Variants in CPLX1 observed in about 807,000 individuals in gnomAD.
The protein encoded by CPLX1 is complexin-1.
Under a neutral mutation model 15.6 loss-of-function variants are expected in CPLX1, and 6 were observed. The observed-to-expected ratio is 0.39, with a 90% CI of 0.21 to 0.76. The LOEUF (loss-of-function observed/expected upper bound fraction) is 0.76. CPLX1 is among the 30% of genes least tolerant of loss of function. CPLX1 has a pLI of 0.43. For missense variants in CPLX1, 242 were observed against 188.6 expected, an observed-to-expected ratio of 1.28 and a Z score of -1.66; for synonymous variants, 91 against 75.2, an observed-to-expected ratio of 1.21 and a Z score of -1.08.
chr4:805,062 G>C (rs999540990), intron 2 of CPLX1, among the ~76,000 whole-genome samples: 1 of 152,242 alleles, frequency 6.6e-6, no homozygotes, highest in African/African-American at 2.4e-5. Context: ...CGTGTGGCTG[G>C]AGACAAGGTG....
Position 822,820 on chromosome 4 carries a change from C to T in CPLX1, c.31+1672G>A, listed in dbSNP as rs1249697842. 6.6e-5 allele frequency among the ~76,000 whole-genome samples: 10 copies of T among 152,232 alleles called. No individual in the cohort carries two copies. In the East Asian group the frequency reaches 1.6e-3, roughly 24 times the overall value. On this transcript the variant is annotated intron_variant, in intron 2 of 3. Coordinates refer to ENST00000304062, the MANE Select transcript of CPLX1 (RefSeq NM_006651.4). ...GGCGCAGAGGCAGAAAACAAGGTCT[C>T]GACTGGAAGCCCCCCACCAGCTCCC...
Position 800,513 on chromosome 4 carries a change from G to C in CPLX1, c.32-7905C>G, listed in dbSNP as rs568557521. On this transcript the variant is annotated intron_variant, in intron 2 of 3. Transcript: ENST00000304062. ...ATATACACACACATATACACACACA[G>C]ACACATATATGTGTATATACATACA... 7.2e-4 allele frequency among the ~76,000 whole-genome samples: 101 copies of C among 140,512 alleles called. No individual in the cohort carries two copies. In the South Asian group the frequency reaches 8.4e-3, roughly 12 times the overall value. 92.2% of individuals were successfully genotyped at this position (140,512 alleles called of 152,430 possible). A position where few individuals can be genotyped will look rare whatever the true frequency, so the allele number is the denominator to read the frequency against.
At chr4:812,020 G>C (rs1746672970) in intron 2 of CPLX1, among the ~76,000 whole-genome samples, 1 of 152,094 alleles carries the variant, frequency 6.6e-6, no homozygotes, top group African/African-American at 2.4e-5. Flanking sequence ...AGCCACTCAA[G>C]TTTTCTTCTT....
intron 3 of CPLX1, among the ~76,000 whole-genome samples, chr4:790,989 C>G (rs1269842455): frequency 2.0e-5 from 3 of 151,836 alleles, no homozygotes; most frequent in Admixed American, 6.6e-5. Context: ...TCTGTCTTCT[C>G]TCTGTCTCTT....
At chr4:796,345 T>C (rs1458044323) in intron 2 of CPLX1, among the ~76,000 whole-genome samples, 1 of 152,180 alleles carries the variant, frequency 6.6e-6, no homozygotes, top group East Asian at 1.9e-4. Context: ...GAAGACTTCA[T>C]GTGGGCCTCA....
intron 3 of CPLX1, chr4:788,624 G>T (rs1345574682): frequency 1.0e-6 from 1 of 982,926 alleles, no homozygotes; most frequent in Non-Finnish European, 1.2e-6. Flanking sequence ...GAGCAGATTG[G>T]TTCTCGTCCT....
chr4:819,091 C>G (rs550419484), intron 2 of CPLX1, among the ~76,000 whole-genome samples: 1 of 152,268 alleles, frequency 6.6e-6, no homozygotes, highest in Non-Finnish European at 1.5e-5. Context: ...ACGCTCTGCG[C>G]TCCCCGTGCG....
intron 2 of CPLX1, among the ~76,000 whole-genome samples, chr4:798,697 A>G (rs1746392987): frequency 6.6e-6 from 1 of 152,230 alleles, no homozygotes; most frequent in Admixed American, 6.5e-5. Flanking sequence ...GTGCCCGGCC[A>G]GATAGTGCTT....
chr4:808,168 C>CT (rs1746592707), intron 2 of CPLX1, among the ~76,000 whole-genome samples: 1 of 152,068 alleles, frequency 6.6e-6, no homozygotes, highest in Non-Finnish European at 1.5e-5. Flanking sequence ...ACCTGGGAGG[C>CT]TGAGGCGAGA....
At chr4:788,299 G>C (rs934036954) in intron 3 of CPLX1, 1 of 985,176 alleles carries the variant, frequency 1.0e-6, no homozygotes, top group Admixed American at 6.1e-5. Context: ...GGGCAGTCTC[G>C]GCACCTCTCC....
intron 2 of CPLX1, among the ~76,000 whole-genome samples, chr4:801,305 G>A (rs1177564723): frequency 6.6e-6 from 1 of 151,882 alleles, no homozygotes; most frequent in African/African-American, 2.4e-5. Flanking sequence ...CTGGGTGACA[G>A]AGCGAGACTC....
At chr4:825,679 G>A (rs1305665981) in intron 1 of CPLX1, among the ~76,000 whole-genome samples, 2 of 151,268 alleles carry the variant, frequency 1.3e-5, no homozygotes, top group Non-Finnish European at 3.0e-5. Flanking sequence ...CGCGGGCCGG[G>A]ACCGCGGGGG....
chr4:816,486 G>A (rs1479592498), intron 2 of CPLX1, among the ~76,000 whole-genome samples: 1 of 152,020 alleles, frequency 6.6e-6, no homozygotes, highest in Non-Finnish European at 1.5e-5. Flanking sequence ...CCAAAGTGCT[G>A]GGATTACAGG....
intron 3 of CPLX1, among the ~76,000 whole-genome samples, chr4:791,306 C>T (rs1239400475): frequency 6.6e-6 from 1 of 151,442 alleles, no homozygotes; most frequent in Non-Finnish European, 1.5e-5. Flanking sequence ...CCGGCCCCCA[C>T]TCCCCATCAG....
chr4:820,151 C>T, intron 2 of CPLX1, among the ~76,000 whole-genome samples: 1 of 151,882 alleles, frequency 6.6e-6, no homozygotes, highest in African/African-American at 2.4e-5. Flanking sequence ...CTCCACCGTC[C>T]TCCCGGACCC....
At chr4:804,874 G>C in intron 2 of CPLX1, 1 of 985,280 alleles carries the variant, frequency 1.0e-6, no homozygotes. Flanking sequence ...GGTGGGCGGC[G>C]GCAGCCATTT....
At chr4:800,511 C>G (rs188237358) in intron 2 of CPLX1, among the ~76,000 whole-genome samples, 1 of 147,584 alleles carries the variant, frequency 6.8e-6, no homozygotes, top group Non-Finnish European at 1.5e-5. Context: ...TATACACACA[C>G]AGACACATAT....
At position 786,375 on chromosome 4, in the gene CPLX1, G is replaced by A. The variant is rs1429670079; in HGVS notation, c.*126C>T. The A allele has an allele frequency of 3.7e-6, 4 of 1,092,390 alleles. No individual in the cohort carries two copies. Among genetic ancestry groups the A allele is most frequent in the East Asian group, 3.1e-5 (1 of 31,962 alleles). 67.7% of individuals were successfully genotyped at this position (1,092,390 alleles called of 1,614,324 possible). ...GTGAGGGAGGCGGCGGGCGCGGGCA[G>A]GGCGGGCCTGGGGCTATGGCTTATA... On this transcript the variant is annotated 3_prime_UTR_variant, in exon 4 of 4. Coordinates refer to ENST00000304062, the MANE Select transcript of CPLX1 (RefSeq NM_006651.4).
At chr4:813,426 C>T (rs1227910491) in intron 2 of CPLX1, among the ~76,000 whole-genome samples, 5 of 152,038 alleles carry the variant, frequency 3.3e-5, no homozygotes, top group South Asian at 2.1e-4. Context: ...GCTGACCAGC[C>T]GGGCAGAACC....
Sources: gnomAD v4.1 joint callset for allele counts (sites outside exome capture counted in the v4.1 genomes callset) on GRCh38, gnomAD v4.1.1 for gene constraint, MANE v1.5 for transcripts, NCBI Gene and HGNC (gene_info 2026-07-23, HGNC 2026-07-21) for gene names.